Variants in MITF observed in about 807,000 individuals in gnomAD.
The protein encoded by MITF is melanocyte inducing transcription factor, also known as microphthalmia-associated transcription factor.
In MITF, 17 loss-of-function variants were observed where a neutral mutation model predicts 60.5. That is an observed-to-expected ratio of 0.28 (90% CI 0.19 to 0.42). The LOEUF is 0.42. Ranked by LOEUF, MITF falls within the 10% of genes least tolerant of loss-of-function variation. MITF has a pLI of 1.00. For synonymous variants in MITF, 260 were observed against 248.5 expected (o/e 1.05, Z -0.43); for missense variants, 622 against 683.5 (o/e 0.91, Z 1.00).
intron 1 of MITF, among the ~76,000 whole-genome samples, chr3:69,875,143 C>G (rs568134453): frequency 2.0e-5 from 3 of 152,184 alleles, no homozygotes; most frequent in Admixed American, 1.3e-4. Flanking sequence ...TCATGCAGCT[C>G]GGCAGTGACT....
At chr3:69,749,011 T>C (rs546246573) in intron 1 of MITF, among the ~76,000 whole-genome samples, 2 of 152,162 alleles carry the variant, frequency 1.3e-5, no homozygotes, top group Non-Finnish European at 2.9e-5. Context: ...TACTAACTGA[T>C]TCTAGGAAGC....
chr3:69,804,130 T>G (rs1227686260), intron 1 of MITF, among the ~76,000 whole-genome samples: 2 of 152,196 alleles, frequency 1.3e-5, no homozygotes, highest in African/African-American at 4.8e-5. Flanking sequence ...ATAGTTTAAT[T>G]CTTTGACTCA....
chr3:69,963,891 G>A (rs2066612798), intron 9 of MITF, among the ~76,000 whole-genome samples: 1 of 151,944 alleles, frequency 6.6e-6, no homozygotes, highest in South Asian at 2.1e-4. Context: ...GCACACATGG[G>A]GACCTCAGTG....
At chr3:69,784,548 T>A (rs1003513659) in intron 1 of MITF, among the ~76,000 whole-genome samples, 1 of 152,192 alleles carries the variant, frequency 6.6e-6, no homozygotes, top group Non-Finnish European at 1.5e-5. Flanking sequence ...CTTTAATGGA[T>A]TTTTAAAAAC....
chr3:69,752,874 C>T (rs1164503909), intron 1 of MITF, among the ~76,000 whole-genome samples: 1 of 152,200 alleles, frequency 6.6e-6, no homozygotes, highest in East Asian at 1.9e-4. Context: ...CCTCACTCCC[C>T]TTTTGCCTTC....
intron 2 of MITF, among the ~76,000 whole-genome samples, chr3:69,914,541 T>C (rs2065292703): frequency 6.6e-6 from 1 of 152,212 alleles, no homozygotes; most frequent in African/African-American, 2.4e-5. Context: ...TTATTGTCTG[T>C]ACTTGCACAA....
intron 2 of MITF, among the ~76,000 whole-genome samples, chr3:69,917,879 T>G (rs1014652448): frequency 6.6e-6 from 1 of 152,138 alleles, no homozygotes; most frequent in Non-Finnish European, 1.5e-5. Context: ...TAAGACAACT[T>G]TTGCTCCAGT....
chr3:69,764,275 T>C (rs1404850217), intron 1 of MITF, among the ~76,000 whole-genome samples: 1 of 152,214 alleles, frequency 6.6e-6, no homozygotes, highest in African/African-American at 2.4e-5. Flanking sequence ...TTTCCAGTGG[T>C]CCCCAAATTT....
At chr3:69,890,487 C>T (rs765233190) in intron 2 of MITF, among the ~76,000 whole-genome samples, 1 of 152,042 alleles carries the variant, frequency 6.6e-6, no homozygotes, top group Non-Finnish European at 1.5e-5. Context: ...CATTAGGGGA[C>T]AAGGAGATTA....
In MITF at chr3:69,959,319, T is replaced by C. The variant is rs2066482053; in HGVS notation, c.1078T>C (p.Tyr360His). ...AACCATCTTAAAAGCATCCGTGGAC[T>C]ATATCCGAAAGTTGCAACGAGAACA... is the stretch of plus-strand genomic sequence containing the variant. Reference protein sequence around the residue: ...KGTILKASVDYIRKLQREQQR... With the variant: ...KGTILKASVDHIRKLQREQQR... Residue 360 changes from tyrosine (Y) to histidine (H), a missense_variant, in exon 9 of 10, where the codon TAT (tyrosine) becomes CAT (histidine). Coordinates refer to ENST00000352241, the MANE Select transcript of MITF (RefSeq NM_001354604.2). 6.2e-7 allele frequency: 1 copy of C among 1,614,082 alleles called. No homozygotes were observed. Among genetic ancestry groups the C allele is most frequent in the Non-Finnish European group, 8.5e-7 (1 of 1,180,004 alleles).
intron 1 of MITF, among the ~76,000 whole-genome samples, chr3:69,754,221 C>CTT (rs1192690222): frequency 1.2e-4 from 18 of 144,378 alleles, no homozygotes; most frequent in African/African-American, 4.0e-4. Context: ...TCTCTCTCTC[C>CTT]TTTTTTTTTT....
At chr3:69,754,803 T>G (rs1436135449) in intron 1 of MITF, among the ~76,000 whole-genome samples, 1 of 152,110 alleles carries the variant, frequency 6.6e-6, no homozygotes, top group African/African-American at 2.4e-5. Context: ...AAAGCCTGGC[T>G]TTTAGTTCCC....
intron 2 of MITF, among the ~76,000 whole-genome samples, chr3:69,899,816 C>A (rs1160875038): frequency 2.6e-5 from 4 of 151,822 alleles, no homozygotes; most frequent in Non-Finnish European, 5.9e-5. Flanking sequence ...CAATTGCAGG[C>A]AAAAAGAAAA....
At chr3:69,807,938 G>C (rs1254049370) in intron 1 of MITF, among the ~76,000 whole-genome samples, 1 of 151,444 alleles carries the variant, frequency 6.6e-6, no homozygotes, top group East Asian at 1.9e-4. Flanking sequence ...GTTGATCTTG[G>C]CTTTTTGCCT....
At chr3:69,873,012 A>G (rs1559688493) in intron 1 of MITF, among the ~76,000 whole-genome samples, 1 of 151,814 alleles carries the variant, frequency 6.6e-6, no homozygotes, top group Non-Finnish European at 1.5e-5. Flanking sequence ...TATTTTAGCT[A>G]TGCCAGAGAC....
chr3:69,754,103 AT>A (rs149546249), intron 1 of MITF, among the ~76,000 whole-genome samples: 1,880 of 152,176 alleles, frequency 0.012, 28 homozygotes, highest in African/African-American at 0.043. Context: ...ATGGGAGGTG[AT>A]TTGGATCATG....
intron 2 of MITF, among the ~76,000 whole-genome samples, chr3:69,924,865 T>C (rs2065550171): frequency 6.6e-6 from 1 of 152,204 alleles, no homozygotes; most frequent in South Asian, 2.1e-4. Flanking sequence ...GTGTCCCAGC[T>C]CTAACGTTCA....
At chr3:69,913,550 T>C (rs2065267797) in intron 2 of MITF, among the ~76,000 whole-genome samples, 1 of 152,214 alleles carries the variant, frequency 6.6e-6, no homozygotes, top group Non-Finnish European at 1.5e-5. Context: ...CAGTTGAGTT[T>C]GCATGAAGGT....
chr3:69,760,057 C>T (rs936747861), intron 1 of MITF, among the ~76,000 whole-genome samples: 13 of 152,320 alleles, frequency 8.5e-5, no homozygotes, highest in East Asian at 1.9e-4. Flanking sequence ...GGATTACAGG[C>T]GTGAGCCACT....
Sources: gnomAD v4.1 joint callset for allele counts (sites outside exome capture counted in the v4.1 genomes callset) on GRCh38, gnomAD v4.1.1 for gene constraint, MANE v1.5 for transcripts, NCBI Gene and HGNC (gene_info 2026-07-23, HGNC 2026-07-21) for gene names.